TTBK1: variants seen among roughly 807,000 people sequenced by gnomAD.
The protein encoded by TTBK1 is tau tubulin kinase 1, also known as tau-tubulin kinase 1.
A neutral mutation model predicts 108.5 loss-of-function variants in TTBK1; 34 were observed. The observed-to-expected ratio is 0.31, with a 90% CI of 0.24 to 0.42. The LOEUF is 0.42. Among genes scored for constraint, TTBK1 ranks in the 10% least tolerant of loss-of-function variants. The pLI is 1.00. For synonymous variants in TTBK1, 809 were observed against 795.1 expected (o/e 1.02, Z -0.29); for missense variants, 1,539 against 1,826.0 (o/e 0.84, Z 2.86).
chr6:43,284,337 G>A (rs1778296243), intron 14 of TTBK1, 25 bp downstream of exon 14: 1 of 1,501,274 alleles, frequency 6.7e-7, no homozygotes, highest in Non-Finnish European at 8.8e-7. Context: ...CCAGCCCCAG[G>A]GTGGGCAGAG....
intron 13 of TTBK1, among the ~76,000 whole-genome samples, chr6:43,266,995 ATGCGTGTGTGTG>A (rs1777694970): frequency 1.1e-5 from 1 of 90,216 alleles, no homozygotes; most frequent in African/African-American, 4.2e-5. Context: ...AGCCTGGAGC[ATGCGTGTGTGTG>A]TGTGTGTGTG....
intron 13 of TTBK1, chr6:43,270,378 C>T (rs1209271038): frequency 8.0e-6 from 8 of 1,001,168 alleles, no homozygotes; most frequent in Admixed American, 1.2e-4. Context: ...TGATCCACCC[C>T]GAGGGGCTGG....
Position 43,263,367 on chromosome 6 carries a change from A to AC in TTBK1, c.1986+21dup, listed in dbSNP as rs1459570823. On this transcript the variant is annotated intron_variant, in intron 13 of 14. Coordinates refer to ENST00000259750, the MANE Select transcript of TTBK1 (RefSeq NM_032538.3). The surrounding 1 kb of genome is among the most constrained non-coding windows in gnomAD (Gnocchi z 4.7). Reference sequence around the variant, plus strand: ...CAGAGACAGGTAAGGTTGGGCTTGCACCCCACTCCCCATCTCCAGATGCCC... The same window carrying AC: ...CAGAGACAGGTAAGGTTGGGCTTGCACCCCCACTCCCCATCTCCAGATGCCC... 1 of 1,449,248 alleles carries AC rather than the reference A, an allele frequency of 6.9e-7. No homozygotes were observed. Among genetic ancestry groups the AC allele is most frequent in the African/African-American group, 1.4e-5 (1 of 69,496 alleles). 89.8% of individuals were successfully genotyped at this position (1,449,248 alleles called of 1,614,324 possible). A position where few individuals can be genotyped will look rare whatever the true frequency, so the allele number is the denominator to read the frequency against.
At position 43,253,027 on chromosome 6, in the gene TTBK1, G is replaced by C; in HGVS notation, c.256+141G>C. ...GGGGATGGAGCCAGGAGCTAAGGGG[G>C]AGGTGACGGAGCCAGAGTCTAGGAG... On this transcript the variant is annotated intron_variant, in intron 3 of 14. Coordinates refer to ENST00000259750, the MANE Select transcript of TTBK1 (RefSeq NM_032538.3). This position sits in a 1 kb window ranked among gnomAD's most constrained non-coding sequence, Gnocchi z 5.8. 1 of 1,105,086 alleles carries C rather than the reference G, an allele frequency of 9.0e-7. No individual in the cohort carries two copies. Among genetic ancestry groups the C allele is most frequent in the Non-Finnish European group, 1.3e-6 (1 of 768,988 alleles). 68.5% of individuals were successfully genotyped at this position (1,105,086 alleles called of 1,614,324 possible). A position where few individuals can be genotyped will look rare whatever the true frequency, so the allele number is the denominator to read the frequency against.
chr6:43,247,392 G>GC (rs1465991345), intron 2 of TTBK1, among the ~76,000 whole-genome samples: 5 of 152,218 alleles, frequency 3.3e-5, no homozygotes, highest in African/African-American at 1.2e-4. Flanking sequence ...CTGCCTCGGA[G>GC]CGGGGGCGTG....
rs780096789 is a variant in TTBK1 at position 43,259,904 on chromosome 6, G to A, written c.1424+198G>A. On this transcript the variant is annotated intron_variant, in intron 12 of 14. Coordinates refer to ENST00000259750, the MANE Select transcript of TTBK1 (RefSeq NM_032538.3). The surrounding 1 kb of genome is among the most constrained non-coding windows in gnomAD (Gnocchi z 6.7). ...GAGAACCAGTGGGGGATCCAGAGAG[G>A]TCCCGGCTCATGCCAGGAAACGTAA... is the stretch of plus-strand genomic sequence containing the variant. 5.3e-5 allele frequency among the ~76,000 whole-genome samples: 8 copies of A among 152,234 alleles called. No individual in the cohort carries two copies. The highest frequency in any genetic ancestry group is 1.0e-4 in the Non-Finnish European group (7 of 68,046).
intron 13 of TTBK1, among the ~76,000 whole-genome samples, chr6:43,277,952 C>G (rs1019555231): frequency 6.6e-6 from 1 of 152,146 alleles, no homozygotes; most frequent in South Asian, 2.1e-4. Flanking sequence ...CACAAGCCTC[C>G]GACCTCAGCA....
rs117976886 is a variant in TTBK1, at chr6:43,249,956, G to T, written c.109-2783G>T. On this transcript the variant is annotated intron_variant, in intron 2 of 14. Coordinates refer to ENST00000259750, the MANE Select transcript of TTBK1 (RefSeq NM_032538.3). ...CGGGGCCTAGTCACTGTGTCTCATG[G>T]ATAAGTCAGCCCTAGCTGTGGTGCA... is the stretch of plus-strand genomic sequence containing the variant. Among the ~76,000 whole-genome samples, 216 of 150,502 alleles carry T rather than the reference G, an allele frequency of 1.4e-3. 1 individual carries two copies. Among genetic ancestry groups the T allele is most frequent in the African/African-American group, 5.1e-3 (211 of 41,112 alleles).
At chr6:43,280,160 G>A (rs543999674) in intron 13 of TTBK1, among the ~76,000 whole-genome samples, 93 of 151,302 alleles carry the variant, frequency 6.1e-4, no homozygotes, top group Non-Finnish European at 1.2e-3. Context: ...TGATTACAGG[G>A]AAGATCATGG....
intron 13 of TTBK1, among the ~76,000 whole-genome samples, chr6:43,264,761 A>T (rs906265029): frequency 1.1e-4 from 17 of 152,040 alleles, no homozygotes; most frequent in Non-Finnish European, 1.9e-4. Context: ...GGCTTCATGG[A>T]GGAGGTGAGC....
intron 13 of TTBK1, chr6:43,271,012 G>A (rs1406474558): frequency 1.3e-5 from 13 of 985,352 alleles, no homozygotes; most frequent in Non-Finnish European, 1.6e-5. Flanking sequence ...GAGTGGGGAA[G>A]TGTCAGGATG....
chr6:43,268,752 T>G (rs1173157966), intron 13 of TTBK1, among the ~76,000 whole-genome samples: 2 of 152,222 alleles, frequency 1.3e-5, no homozygotes, highest in African/African-American at 4.8e-5. Flanking sequence ...GTACACAAGC[T>G]GCCTGGTGGC....
chr6:43,250,695 A>G (rs553227467), intron 2 of TTBK1, among the ~76,000 whole-genome samples: 2 of 152,240 alleles, frequency 1.3e-5, no homozygotes, highest in Admixed American at 1.3e-4. Context: ...GATGTGGGGC[A>G]AGGTATTGCA....
At position 43,283,444 on chromosome 6, in the gene TTBK1, G is replaced by A. The variant is rs1778247410; in HGVS notation, c.2704G>A (p.Ala902Thr). ...KSEPKPPGPG[A>T]GLGAGTVTTG... ...TGAGCCCAAGCCCCCGGGGCCTGGG[G>A]CAGGGCTGGGGGCCGGGACAGTGAC... Residue 902 changes from alanine to threonine, a missense_variant, in exon 14 of 15, where the codon GCA becomes ACA. Ala to Thr is a moderately conservative substitution (Grantham distance 58). Around this residue, in one of 5 missense-constraint regions of TTBK1, gnomAD observed 1,055 missense variants for 1,086.5 expected, o/e 0.97. Coordinates refer to ENST00000259750, the MANE Select transcript of TTBK1 (RefSeq NM_032538.3). The surrounding 1 kb of genome is among the most constrained non-coding windows in gnomAD (Gnocchi z 8.1). The A allele has an allele frequency of 6.2e-7, 1 of 1,613,744 alleles. No homozygotes were observed. Among genetic ancestry groups the A allele is most frequent in the Non-Finnish European group, 8.5e-7 (1 of 1,179,864 alleles).
In TTBK1 at chr6:43,254,526, C is replaced by T. The variant is rs757359607; in HGVS notation, c.472-21C>T. 15 of 1,544,916 alleles carry T rather than the reference C, an allele frequency of 9.7e-6. No homozygotes were observed. The African/African-American group carries it at 1.9e-4, about 20-fold the overall frequency. ...AGCTGGGGTTGGGGCCCCCAGAGCT[C>T]ACAGCTGCTGTCTCCCCCAGTCAAA... On this transcript the variant is annotated intron_variant, in intron 5 of 14. Coordinates refer to ENST00000259750, the MANE Select transcript of TTBK1 (RefSeq NM_032538.3).
Position 43,283,873 on chromosome 6 carries a change from C to T in TTBK1, c.3133C>T (p.His1045Tyr), listed in dbSNP as rs943965779. The change falls in exon 14 of 15, where the codon CAT becomes TAT. Residue 1045 changes from histidine (H) to tyrosine (Y), a missense_variant. His to Tyr is a moderately conservative substitution (Grantham distance 83, BLOSUM62 2). Transcript: ENST00000259750. The surrounding 1 kb of genome is among the most constrained non-coding windows in gnomAD (Gnocchi z 8.1). ...AGTGGCCACCATCTCCCCCAGACGC[C>T]ATGCTATGCCAGGCTCTCGCCCCAG... ...EKVATISPRR[H>Y]AMPGSRPRSR... The T allele has an allele frequency of 2.5e-6, 4 of 1,610,798 alleles. No homozygotes were observed. The highest frequency in any genetic ancestry group is 2.7e-5 in the African/African-American group (2 of 75,002).
chr6:43,249,412 T>C (rs1777180935), intron 2 of TTBK1, among the ~76,000 whole-genome samples: 2 of 152,122 alleles, frequency 1.3e-5, no homozygotes, highest in South Asian at 2.1e-4. Context: ...ATTACTGGAC[T>C]ATGGGCAGGG....
At position 43,282,086 on chromosome 6, in the gene TTBK1, T is replaced by C. The variant is rs973898060; in HGVS notation, c.1987-641T>C. Among the ~76,000 whole-genome samples the C allele has an allele frequency of 1.3e-5, 2 of 152,152 alleles. No homozygotes were observed. Among genetic ancestry groups the C allele is most frequent in the African/African-American group, 4.8e-5 (2 of 41,436 alleles). ...ACAAATTCCTGGCTGAGAGGATGGA[T>C]TGGAGGTCGAGGGGCCCAGCCTGCA... On this transcript the variant is annotated intron_variant, in intron 13 of 14. Coordinates refer to ENST00000259750, the MANE Select transcript of TTBK1 (RefSeq NM_032538.3). The surrounding 1 kb of genome is among the most constrained non-coding windows in gnomAD (Gnocchi z 5.4).
In TTBK1 at chr6:43,269,651, G is replaced by A; in HGVS notation, c.1986+6301G>A. 1.2e-6 allele frequency: 2 copies of A among 1,610,938 alleles called. No individual in the cohort carries two copies. The highest frequency in any genetic ancestry group is 1.7e-6 in the Non-Finnish European group (2 of 1,179,120). ...TTCTTGGTCTCTTTCAGTTGGAGGA[G>A]GACAGACTCTCGGGGCACTCCCTCC... On this transcript the variant is annotated intron_variant, in intron 13 of 14. Transcript: ENST00000259750. This position sits in a 1 kb window ranked among gnomAD's most constrained non-coding sequence, Gnocchi z 4.8.
Sources: allele counts gnomAD v4.1 joint callset (sites outside exome capture counted in the v4.1 genomes callset), GRCh38; gene constraint gnomAD v4.1.1; regional missense constraint gnomAD v4.1.1; non-coding constraint Gnocchi (gnomAD v3.1); transcripts MANE v1.5; gene names NCBI Gene and HGNC (gene_info 2026-07-23, HGNC 2026-07-21).